The following WIPF1 variants were observed in gnomAD, a reference collection of about 807,000 sequenced individuals.
The protein encoded by WIPF1 is WAS/WASL interacting protein family member 1.
WIPF1 carries 13 observed loss-of-function variants against 35.4 expected under a neutral mutation model. The observed-to-expected ratio is 0.37, with a 90% CI of 0.24 to 0.58. The LOEUF is 0.58. Ranked by LOEUF, WIPF1 falls within the 20% of genes least tolerant of loss-of-function variation. The pLI is 0.74. For missense variants in WIPF1, 591 were observed against 667.0 expected (o/e 0.89, Z 1.25); for synonymous variants, 267 against 266.3 (o/e 1.00, Z -0.02).
intron 7 of WIPF1, among the ~76,000 whole-genome samples, chr2:174,565,657 A>G (rs1016197217): frequency 1.3e-5 from 2 of 152,214 alleles, no homozygotes; most frequent in African/African-American, 4.8e-5. Flanking sequence ...AAATTACTTT[A>G]AACTGTGTTA....
upstream of WIPF1, among the ~76,000 whole-genome samples, chr2:174,599,814 GCTAT>G (rs778667884): frequency 2.1e-5 from 2 of 96,044 alleles, no homozygotes; most frequent in African/African-American, 7.3e-5. Flanking sequence ...TCTCTCTCTA[GCTAT>G]CTCTCTCTCT....
chr2:174,658,597 T>G (rs958368908), intron 1 of WIPF1, among the ~76,000 whole-genome samples: 1 of 151,918 alleles, frequency 6.6e-6, no homozygotes, highest in East Asian at 1.9e-4. Context: ...GGAATCATAG[T>G]GAAGTTAATT....
intron 7 of WIPF1, chr2:174,566,745 G>T: frequency 4.5e-6 from 1 of 224,562 alleles, no homozygotes; most frequent in South Asian, 1.2e-4. Context: ...AAAACTAGAA[G>T]GAATAGAAGA....
intron 6 of WIPF1, 110 bp from the exon 7 acceptor site, chr2:174,567,293 G>GT: frequency 1.0e-6 from 1 of 1,002,914 alleles, no homozygotes; most frequent in African/African-American, 1.6e-5. Flanking sequence ...ATCAGTGCTA[G>GT]TTTTTATGCC....
At chr2:174,578,326 T>C (rs1247594731) in intron 3 of WIPF1, among the ~76,000 whole-genome samples, 1 of 152,222 alleles carries the variant, frequency 6.6e-6, no homozygotes, top group Non-Finnish European at 1.5e-5. Flanking sequence ...CCAATTTCAT[T>C]ACAATTATTA....
At chr2:174,563,061 A>G (rs558395993) in intron 7 of WIPF1, among the ~76,000 whole-genome samples, 14 of 152,260 alleles carry the variant, frequency 9.2e-5, no homozygotes, top group Admixed American at 2.6e-4. Context: ...TATTAATGAC[A>G]GTCTGCATTC....
At chr2:174,572,785 A>T (rs1299552996) in intron 4 of WIPF1, among the ~76,000 whole-genome samples, 1 of 152,202 alleles carries the variant, frequency 6.6e-6, no homozygotes, top group Non-Finnish European at 1.5e-5. Context: ...ACAAGATGGC[A>T]TTGGTAGAAT....
chr2:174,562,391 C>G lies in WIPF1; in HGVS notation c.*156G>C. 6.7e-7 allele frequency: 1 copy of G among 1,495,196 alleles called. No individual in the cohort carries two copies. The highest frequency in any genetic ancestry group is 2.5e-5 in the East Asian group (1 of 40,554). 92.6% of individuals were successfully genotyped at this position (1,495,196 alleles called of 1,614,324 possible). The stretch of plus-strand genomic sequence containing the variant: ...ATGAAAAGCTAGGTGCATTTCTTAC[C>G]GATTCCCACCCACACACGCATATTC... On this transcript the variant is annotated 3_prime_UTR_variant, in exon 8 of 8. Transcript: ENST00000679041.
chr2:174,625,787 AC>A (rs2105922806), intron 1 of WIPF1: 1 of 152,340 alleles, frequency 6.6e-6, no homozygotes, highest in African/African-American at 2.4e-5. Context: ...ACAAAAAGTG[AC>A]TTCAGAAGTC....
rs1684475255 is a variant in WIPF1 at position 174,561,196 on chromosome 2, C to A, written c.*1351G>T. ...TAGACAAATGATGCAAAACAAATTC[C>A]CTCCAATTTCCACTAGCAATCTCCC... On this transcript the variant is annotated 3_prime_UTR_variant, in exon 8 of 8. Transcript: ENST00000679041. 6.6e-6 allele frequency: 1 copy of A among 152,596 alleles called. No individual in the cohort carries two copies. The highest frequency in any genetic ancestry group is 2.4e-5 in the African/African-American group (1 of 41,438). 9.5% of individuals were successfully genotyped at this position (152,596 alleles called of 1,614,324 possible).
At position 174,563,039 on chromosome 2, in the gene WIPF1, C is replaced by T. The variant is rs533857002; in HGVS notation, c.1457-437G>A. On this transcript the variant is annotated intron_variant, in intron 7 of 7. Transcript: ENST00000679041. ...TTGAACATCTTTCGAAGGCATTACT[C>T]TTTGCAAAGATTATTAATGACAGTC... Among the ~76,000 whole-genome samples the T allele has an allele frequency of 1.8e-4, 27 of 152,302 alleles. 1 individual carries two copies. The East Asian group carries it at 5.0e-3, about 28-fold the overall frequency.
At chr2:174,584,634 G>A (rs36034024) in intron 2 of WIPF1, among the ~76,000 whole-genome samples, 43,464 of 152,108 alleles carry the variant, frequency 0.29, 6,787 homozygotes, top group Non-Finnish European at 0.35. Flanking sequence ...AGGATGAGCC[G>A]GGCACAGTGG....
intron 3 of WIPF1, among the ~76,000 whole-genome samples, chr2:174,580,779 A>G (rs548420467): frequency 6.6e-6 from 1 of 152,334 alleles, no homozygotes; most frequent in South Asian, 2.1e-4. Flanking sequence ...CTAAGCTCCT[A>G]ATAATTGTAT....
intron 1 of WIPF1, among the ~76,000 whole-genome samples, chr2:174,666,937 TCC>T (rs1321805975): frequency 2.6e-5 from 4 of 152,150 alleles, no homozygotes; most frequent in Non-Finnish European, 4.4e-5. Flanking sequence ...CACAAAGAGA[TCC>T]CTTTGCCCTC....
chr2:174,565,841 T>C (rs979025581), intron 7 of WIPF1, among the ~76,000 whole-genome samples: 4 of 152,186 alleles, frequency 2.6e-5, no homozygotes, highest in African/African-American at 7.2e-5. Context: ...GGATGACATA[T>C]GCATATTTCA....
At chr2:174,592,473 G>A (rs1685646918) in intron 1 of WIPF1, among the ~76,000 whole-genome samples, 1 of 147,378 alleles carries the variant, frequency 6.8e-6, no homozygotes, top group Non-Finnish European at 1.5e-5. Context: ...CAAAAAGATT[G>A]AATCAATAGA....
At chr2:174,606,227 G>A (rs1394592595) in intron 1 of WIPF1, among the ~76,000 whole-genome samples, 1 of 152,078 alleles carries the variant, frequency 6.6e-6, no homozygotes, top group Non-Finnish European at 1.5e-5. Context: ...TATTTTCTAC[G>A]AGCTATGTTA....
At chr2:174,646,664 G>T (rs549212473) in intron 1 of WIPF1, among the ~76,000 whole-genome samples, 1 of 151,966 alleles carries the variant, frequency 6.6e-6, no homozygotes, top group Admixed American at 6.6e-5. Flanking sequence ...TCATTCTGTC[G>T]CCCAGGCTGG....
At chr2:174,565,115 G>A (rs542577925) in intron 7 of WIPF1, among the ~76,000 whole-genome samples, 6 of 151,970 alleles carry the variant, frequency 3.9e-5, no homozygotes, top group South Asian at 4.2e-4. Flanking sequence ...GGCTAGTCTC[G>A]AACTCCTGAC....
Sources: gnomAD v4.1 joint callset for allele counts (sites outside exome capture counted in the v4.1 genomes callset) on GRCh38, gnomAD v4.1.1 for gene constraint, MANE v1.5 for transcripts, NCBI Gene and HGNC (gene_info 2026-07-23, HGNC 2026-07-21) for gene names.